The following NUP155 variants were observed in gnomAD, a reference collection of about 807,000 sequenced individuals.
NUP155 encodes nucleoporin 155.
In NUP155, 71 loss-of-function variants were observed where a neutral mutation model predicts 180.4. The ratio of observed to expected loss-of-function variants is 0.39; its 90% CI spans 0.33 to 0.48. The LOEUF (loss-of-function observed/expected upper bound fraction) is 0.48, where lower values mean the gene tolerates loss of function less well. Among genes scored for constraint, NUP155 ranks in the 20% least tolerant of loss-of-function variants. NUP155 has a pLI of 0.91. For synonymous variants in NUP155, 582 were observed against 559.5 expected, an observed-to-expected ratio of 1.04 and a Z score of -0.57; for missense variants, 1,553 against 1,648.9, an observed-to-expected ratio of 0.94 and a Z score of 1.01.
At chr5:37,318,822 T>A (rs977064875) in intron 20 of NUP155, among the ~76,000 whole-genome samples, 4 of 151,944 alleles carry the variant, frequency 2.6e-5, no homozygotes, top group Non-Finnish European at 4.4e-5. Context: ...TGAATTTCGG[T>A]AACAAAAAGA....
intron 18 of NUP155, 148 bp downstream of exon 18, chr5:37,327,480 GA>G (rs1744676218): frequency 2.6e-6 from 2 of 756,572 alleles, no homozygotes; most frequent in Non-Finnish European, 4.5e-6. Context: ...ACAAAAACTG[GA>G]ATAATAGAAA....
chr5:37,325,868 C>T, intron 19 of NUP155, 33 bp downstream of exon 19: 4 of 1,423,706 alleles, frequency 2.8e-6, no homozygotes, highest in Admixed American at 1.7e-5. Context: ...ACTGGCTACA[C>T]AAAAATAACA....
At chr5:37,323,873 A>G in intron 20 of NUP155, 119 bp downstream of exon 20, 1 of 707,676 alleles carries the variant, frequency 1.4e-6, no homozygotes, top group Non-Finnish European at 2.6e-6. Flanking sequence ...CCTTGTAGAT[A>G]CACTAAAAAA....
Position 37,305,918 on chromosome 5 carries a change from C to A in NUP155, c.2904-708G>T, listed in dbSNP as rs190334651. ...CCCAAAAACAAAACAAAACAAATAA[C>A]AAAAAAGAAAGCCATTGATTTACCT... On this transcript the variant is annotated intron_variant, in intron 25 of 34. Transcript: ENST00000231498. Among the ~76,000 whole-genome samples the A allele has an allele frequency of 7.3e-5, 11 of 151,580 alleles. No individual in the cohort carries two copies. In the East Asian group the frequency reaches 1.9e-3, roughly 27 times the overall value.
intron 13 of NUP155, 109 bp downstream of exon 13, chr5:37,333,353 CA>C (rs1228813523): frequency 5.7e-3 from 5,046 of 877,746 alleles, no homozygotes; most frequent in Non-Finnish European, 6.3e-3. Flanking sequence ...GACTCCGTCT[CA>C]AAAAAAAAAG....
intron 19 of NUP155, 124 bp downstream of exon 19, chr5:37,325,768 CAAAAAAAAA>C (rs58741619): frequency 1.1e-5 from 4 of 361,126 alleles, no homozygotes; most frequent in East Asian, 4.9e-5. Context: ...GACTCTGTCT[CAAAAAAAAA>C]AAAAAAAAAA....
At chr5:37,297,504 G>A (rs1407784410) in intron 32 of NUP155, among the ~76,000 whole-genome samples, 2 of 151,750 alleles carry the variant, frequency 1.3e-5, no homozygotes, top group African/African-American at 2.4e-5. Flanking sequence ...ATAGCCTCCC[G>A]AGTAGCTGGA....
chr5:37,354,644 A>G (rs111350154), intron 4 of NUP155, among the ~76,000 whole-genome samples: 9,431 of 149,836 alleles, frequency 0.063, 952 homozygotes, highest in African/African-American at 0.21. Flanking sequence ...TTTTTTGCAG[A>G]CAGGGTATCA....
intron 1 of NUP155, among the ~76,000 whole-genome samples, chr5:37,369,987 C>G (rs1747853938): frequency 1.3e-5 from 2 of 152,210 alleles, no homozygotes; most frequent in Admixed American, 1.3e-4. Context: ...TGTACATAAG[C>G]ACTGTGATTT....
At chr5:37,332,513 C>T (rs177811) in intron 13 of NUP155, among the ~76,000 whole-genome samples, 4,348 of 151,484 alleles carry the variant, frequency 0.029, 224 homozygotes, top group African/African-American at 0.099. Flanking sequence ...TTAGTAAAGA[C>T]GGGGTTTCAC....
chr5:37,298,995 T>A lies in NUP155; in HGVS notation c.3683-17A>T. The A allele has an allele frequency of 1.4e-6, 2 of 1,450,732 alleles. No individual in the cohort carries two copies. Among genetic ancestry groups the A allele is most frequent in the Middle Eastern group, 1.7e-4 (1 of 5,736 alleles). The allele number at this position is 1,450,732 out of a possible 1,614,324, so 89.9% of individuals were successfully genotyped here. On this transcript the variant is annotated splice_polypyrimidine_tract_variant and intron_variant, in intron 31 of 34. Transcript: ENST00000231498. ...CACTCAATTCTGTAACAAAAAGACA[T>A]GTCATTTGAAACCCAAATTACTTTT... is the stretch of plus-strand genomic sequence containing the variant.
In NUP155 at chr5:37,305,165, T is replaced by C; in HGVS notation, c.2949A>G (p.Val983=). ...ACTGAGGAGCGGCCTTACTTTGATT[T>C]ACCAGTTCTTGAAGTGTGTCTGTAA... ...KCITDTLQEL[V]NQSKAAPQSP... The change falls in exon 26 of 35, where the codon GTA becomes GTG. Residue 983 remains valine, a synonymous_variant. Transcript: ENST00000231498. 6.2e-7 allele frequency: 1 copy of C among 1,613,818 alleles called. No individual in the cohort carries two copies. Among genetic ancestry groups the C allele is most frequent in the Non-Finnish European group, 8.5e-7 (1 of 1,179,880 alleles).
At chr5:37,332,168 CAAAAAA>C (rs11305356) in intron 13 of NUP155, among the ~76,000 whole-genome samples, 3 of 100,128 alleles carry the variant, frequency 3.0e-5, no homozygotes, top group Non-Finnish European at 6.6e-5. Context: ...TCAATTTAGG[CAAAAAA>C]AAAAAAAAAA....
chr5:37,295,909 C>T lies in NUP155; in HGVS notation c.3794-1444G>A, dbSNP rs1223495933. Reference sequence around the variant, plus strand: ...CAGCCCCCCGCCTGGCCAGCCGCCCCGTCCGGGAGGTGAGGGGCGCCTCTG... The same window carrying T: ...CAGCCCCCCGCCTGGCCAGCCGCCCTGTCCGGGAGGTGAGGGGCGCCTCTG... On this transcript the variant is annotated intron_variant, in intron 32 of 34. Coordinates refer to ENST00000231498, the MANE Select transcript of NUP155 (RefSeq NM_153485.3). 4.4e-3 allele frequency among the ~76,000 whole-genome samples: 650 copies of T among 149,050 alleles called. 7 individuals are homozygous for T. Among genetic ancestry groups the T allele is most frequent in the Non-Finnish European group, 4.2e-3 (279 of 67,122 alleles).
chr5:37,326,077 T>C (rs764784204), intron 18 of NUP155, 110 bp from the exon 19 acceptor site: 26 of 799,346 alleles, frequency 3.3e-5, no homozygotes, highest in Non-Finnish European at 5.3e-5. Flanking sequence ...AAACTTGCAG[T>C]GGTTTCATTT....
At position 37,321,490 on chromosome 5, in the gene NUP155, G is replaced by A. The variant is rs977590695; in HGVS notation, c.2207+2502C>T. Among the ~76,000 whole-genome samples, 55 of 152,134 alleles carry A rather than the reference G, an allele frequency of 3.6e-4. 2 individuals carry two copies. Among genetic ancestry groups the A allele is most frequent in the Non-Finnish European group, 4.4e-4 (30 of 68,022 alleles). On this transcript the variant is annotated intron_variant, in intron 20 of 34. Transcript: ENST00000231498. ...TCCCAGCACTTTGGGAGGCTGAGGC[G>A]GGCGGAGCACGAAGTCAAGAGATCG...
rs200202942 is a variant in NUP155 at position 37,303,263 on chromosome 5, T to C, written c.3314A>G (p.His1105Arg). The C allele has an allele frequency of 6.2e-6, 10 of 1,614,058 alleles. No homozygotes were observed. The Admixed American group carries it at 1.5e-4, about 24-fold the overall frequency. ...ARVLSRLADM[H>R]STEISLQQRL... ...CAATAAGAATATTATGCCATACCTA[T>C]GCATGTCAGCCAGTCTGGACAGTAC... Residue 1105 changes from histidine (H) to arginine (R), a missense_variant, in exon 28 of 35, where the codon CAT (histidine) becomes CGT (arginine). Physicochemically the swap from His to Arg is conservative, Grantham distance 29. Transcript: ENST00000231498.
chr5:37,365,260 A>AAAATAAATAAAT (rs139866282), intron 1 of NUP155, among the ~76,000 whole-genome samples: 1 of 149,624 alleles, frequency 6.7e-6, no homozygotes, highest in Admixed American at 6.8e-5. Flanking sequence ...CTCTGTCTCA[A>AAAATAAATAAAT]AAATAAATAA....
At chr5:37,347,631 G>C (rs150853303) in intron 9 of NUP155, among the ~76,000 whole-genome samples, 1,803 of 150,478 alleles carry the variant, frequency 0.012, 35 homozygotes, top group African/African-American at 0.042. Flanking sequence ...GGGAGACAGA[G>C]GTTGCAGTGA....
Sources: gnomAD v4.1 joint callset for allele counts (sites outside exome capture counted in the v4.1 genomes callset) on GRCh38, gnomAD v4.1.1 for gene constraint, MANE v1.5 for transcripts, NCBI Gene and HGNC (gene_info 2026-07-23, HGNC 2026-07-21) for gene names.